Variants in ANKH observed in about 807,000 individuals in gnomAD.
ANKH encodes ANKH inorganic pyrophosphate transport regulator.
A neutral mutation model predicts 49.0 loss-of-function variants in ANKH; 15 were observed. The observed-to-expected ratio is 0.31, with a 90% confidence interval of 0.20 to 0.47. The LOEUF is 0.47. ANKH is among the 20% of genes least tolerant of loss of function. The pLI is 1.00. For missense variants in ANKH, 429 were observed against 652.0 expected, an observed-to-expected ratio of 0.66 and a Z score of 3.72; for synonymous variants, 273 against 260.0, an observed-to-expected ratio of 1.05 and a Z score of -0.48.
intron 1 of ANKH, among the ~76,000 whole-genome samples, chr5:14,832,153 A>ATG (rs1337555922): frequency 1.3e-5 from 2 of 152,154 alleles, no homozygotes; most frequent in African/African-American, 4.8e-5. Flanking sequence ...ATATATATAT[A>ATG]TTTTCTGGTC....
chr5:14,800,282 ATTG>A (rs1740529763), intron 1 of ANKH, among the ~76,000 whole-genome samples: 1 of 152,250 alleles, frequency 6.6e-6, no homozygotes. Flanking sequence ...TGCTGTGAAC[ATTG>A]TTGAAGTGAC....
intron 2 of ANKH, among the ~76,000 whole-genome samples, chr5:14,766,808 C>A (rs753408046): frequency 1.3e-5 from 2 of 152,190 alleles, no homozygotes; most frequent in Non-Finnish European, 2.9e-5. Context: ...GGAATATATG[C>A]TCATTTCAAT....
intron 1 of ANKH, among the ~76,000 whole-genome samples, chr5:14,851,798 C>A (rs139764809): frequency 6.6e-6 from 1 of 152,196 alleles, no homozygotes; most frequent in African/African-American, 2.4e-5. Context: ...TCCCCAAATT[C>A]TCATTTAAAT....
intron 1 of ANKH, among the ~76,000 whole-genome samples, chr5:14,850,659 ACT>A (rs769346459): frequency 1.6e-4 from 24 of 152,086 alleles, no homozygotes; most frequent in South Asian, 2.1e-4. Flanking sequence ...GCCGTGATGC[ACT>A]CTCTCCCTCT....
At chr5:14,813,740 G>A (rs890877747) in intron 1 of ANKH, among the ~76,000 whole-genome samples, 2 of 152,112 alleles carry the variant, frequency 1.3e-5, no homozygotes, top group Admixed American at 1.3e-4. Context: ...TCAGCTCTCC[G>A]TTGCTTCTTG....
intron 1 of ANKH, chr5:14,797,241 G>A (rs1740418516): frequency 1.5e-6 from 2 of 1,369,018 alleles, no homozygotes; most frequent in Admixed American, 3.4e-5. Context: ...CATCACTCAA[G>A]GTTCACTGGG....
chr5:14,817,907 T>C (rs1304152407), intron 1 of ANKH, among the ~76,000 whole-genome samples: 2 of 151,898 alleles, frequency 1.3e-5, no homozygotes, highest in East Asian at 1.9e-4. Flanking sequence ...CTACTAAAAA[T>C]ACAAAAATTA....
chr5:14,764,385 G>A (rs1357715556), intron 2 of ANKH, among the ~76,000 whole-genome samples: 1 of 152,142 alleles, frequency 6.6e-6, no homozygotes, highest in African/African-American at 2.4e-5. Flanking sequence ...CCCAGGCAAT[G>A]CTAGTGGAGG....
At chr5:14,764,643 G>A (rs1232020853) in intron 2 of ANKH, among the ~76,000 whole-genome samples, 2 of 152,250 alleles carry the variant, frequency 1.3e-5, no homozygotes, top group African/African-American at 4.8e-5. Flanking sequence ...ACAATAAATT[G>A]TGAGACTATA....
rs1427321564 is a variant in ANKH, at chr5:14,755,856, T to C, written c.516+5A>G. On this transcript the variant is annotated splice_donor_5th_base_variant and intron_variant, in intron 4 of 11. Transcript: ENST00000284268. ...AGCTCTGATTGACACACAGACCATA[T>C]TTACCTGAGCTATGACATCTGAGAT... The C allele has an allele frequency of 6.2e-7, 1 of 1,613,664 alleles. No individual in the cohort carries two copies. Among genetic ancestry groups the C allele is most frequent in the Middle Eastern group, 1.6e-4 (1 of 6,062 alleles).
Position 14,710,972 on chromosome 5 carries a change from G to T in ANKH, c.*225C>A. On this transcript the variant is annotated 3_prime_UTR_variant, in exon 12 of 12. Transcript: ENST00000284268. Reference sequence around the variant, plus strand: ...GCAGGGGTATGAAGTCAGTTGTTTCGTTTGTTTTTACATAGCAACAGTAAA... The same window carrying T: ...GCAGGGGTATGAAGTCAGTTGTTTCTTTTGTTTTTACATAGCAACAGTAAA... 1 of 538,690 alleles carries T rather than the reference G, an allele frequency of 1.9e-6. No homozygotes were observed. The highest frequency in any genetic ancestry group is 3.4e-6 in the Non-Finnish European group (1 of 297,694). The allele number at this position is 538,690 out of a possible 1,614,324, so 33.4% of individuals were successfully genotyped here.
intron 1 of ANKH, chr5:14,797,898 T>A: frequency 6.2e-7 from 1 of 1,611,544 alleles, no homozygotes; most frequent in South Asian, 1.1e-5. Flanking sequence ...CAAGTCTGGG[T>A]TGCATTCTCC....
At chr5:14,861,367 G>C (rs1052008448) in intron 1 of ANKH, among the ~76,000 whole-genome samples, 1 of 152,138 alleles carries the variant, frequency 6.6e-6, no homozygotes, top group Non-Finnish European at 1.5e-5. Flanking sequence ...TCATTAACCT[G>C]TCAGCAGACA....
At chr5:14,835,784 G>C (rs1459658743) in intron 1 of ANKH, among the ~76,000 whole-genome samples, 1 of 152,108 alleles carries the variant, frequency 6.6e-6, no homozygotes, top group Non-Finnish European at 1.5e-5. Flanking sequence ...GCATCATCCT[G>C]ATACCAAAGC....
intron 1 of ANKH, among the ~76,000 whole-genome samples, chr5:14,827,173 G>GT (rs759043840): frequency 2.6e-5 from 4 of 152,146 alleles, no homozygotes; most frequent in Non-Finnish European, 5.9e-5. Flanking sequence ...TTCTTTCCGC[G>GT]TGACTCTGAC....
At chr5:14,790,423 C>T (rs1489394150) in intron 1 of ANKH, among the ~76,000 whole-genome samples, 1 of 152,200 alleles carries the variant, frequency 6.6e-6, no homozygotes, top group Non-Finnish European at 1.5e-5. Context: ...ACTCAATCCA[C>T]CTTCTATGCA....
Position 14,757,430 on chromosome 5 carries a change from A to ATT in ANKH, c.432+1048_432+1049dup, listed in dbSNP as rs1243593041. Reference sequence around the variant, plus strand: ...TATTGGAACATATATATATATATATATTTTTTTTTTTTTTTTTTTGCTAAG... The same window carrying ATT: ...TATTGGAACATATATATATATATATATTTTTTTTTTTTTTTTTTTTTGCTAAG... On this transcript the variant is annotated intron_variant, in intron 3 of 11. Transcript: ENST00000284268. 3.1e-3 allele frequency among the ~76,000 whole-genome samples: 352 copies of ATT among 113,756 alleles called. 3 individuals are homozygous for ATT. The highest frequency in any genetic ancestry group is 9.6e-3 in the African/African-American group (290 of 30,186). 74.6% of individuals were successfully genotyped at this position (113,756 alleles called of 152,430 possible).
intron 8 of ANKH, among the ~76,000 whole-genome samples, chr5:14,735,511 G>T (rs1260966967): frequency 6.6e-6 from 1 of 152,284 alleles, no homozygotes; most frequent in South Asian, 2.1e-4. Flanking sequence ...AGCTTGCCAG[G>T]CACCCAAAAC....
intron 1 of ANKH, among the ~76,000 whole-genome samples, chr5:14,789,347 C>T (rs1215016579): frequency 6.6e-6 from 1 of 152,078 alleles, no homozygotes; most frequent in Non-Finnish European, 1.5e-5. Context: ...TTTTGAGCTT[C>T]CGTATGAGTT....
Sources: gnomAD v4.1 joint callset for allele counts (sites outside exome capture counted in the v4.1 genomes callset) on GRCh38, gnomAD v4.1.1 for gene constraint, MANE v1.5 for transcripts, NCBI Gene and HGNC (gene_info 2026-07-23, HGNC 2026-07-21) for gene names.